AMZ2: variants seen among roughly 807,000 people sequenced by gnomAD.
AMZ2 encodes archaemetzincin-2.
In AMZ2, 26 loss-of-function variants were observed where a neutral mutation model predicts 36.7. The observed-to-expected ratio is 0.71, with a 90% CI of 0.52 to 0.98. AMZ2 has a LOEUF of 0.98. AMZ2 is among the 50% of genes least tolerant of loss of function. The probability of loss-of-function intolerance (pLI) is 0.00; values close to 1 mark genes in which losing one functional copy is unlikely to be tolerated. For missense variants in AMZ2, 394 were observed against 430.5 expected, an observed-to-expected ratio of 0.92 and a Z score of 0.75; for synonymous variants, 144 against 149.1, an observed-to-expected ratio of 0.97 and a Z score of 0.25.
At chr17:68,208,929 C>T (rs1347583432) in intron 1 of AMZ2, among the ~76,000 whole-genome samples, 2 of 152,182 alleles carry the variant, frequency 1.3e-5, no homozygotes, top group Non-Finnish European at 2.9e-5. Context: ...AAGGAACAAA[C>T]TCCGGACACG....
chr17:68,217,841 C>A (rs1403419918), intron 1 of AMZ2, among the ~76,000 whole-genome samples: 1 of 139,414 alleles, frequency 7.2e-6, no homozygotes, highest in Non-Finnish European at 1.5e-5. Flanking sequence ...GAGATGGAGG[C>A]TGGCTCTGTC....
intron 1 of AMZ2, among the ~76,000 whole-genome samples, chr17:68,216,362 G>C (rs2073194108): frequency 6.6e-6 from 1 of 152,074 alleles, no homozygotes; most frequent in Non-Finnish European, 1.5e-5. Flanking sequence ...TCGAACTCCT[G>C]GGTTCAAGCA....
intron 1 of AMZ2, among the ~76,000 whole-genome samples, chr17:68,229,613 G>C (rs1487066927): frequency 6.6e-6 from 1 of 152,230 alleles, no homozygotes; most frequent in African/African-American, 2.4e-5. Context: ...TGTGGGTCTG[G>C]AATTTAAACA....
intron 1 of AMZ2, among the ~76,000 whole-genome samples, chr17:68,216,358 T>C (rs2073193904): frequency 6.6e-6 from 1 of 152,174 alleles, no homozygotes; most frequent in African/African-American, 2.4e-5. Context: ...GGTCTCGAAC[T>C]CCTGGGTTCA....
intron 1 of AMZ2, among the ~76,000 whole-genome samples, chr17:68,238,700 G>A (rs1379690193): frequency 6.6e-6 from 1 of 151,982 alleles, no homozygotes. Context: ...CAGCCCCAAA[G>A]GCCTTACTGA....
chr17:68,207,733 C>T (rs1356165083), intron 1 of AMZ2, among the ~76,000 whole-genome samples: 1 of 152,260 alleles, frequency 6.6e-6, no homozygotes, highest in Non-Finnish European at 1.5e-5. Context: ...GGCGCCTCCT[C>T]GGCCTTGGCG....
intron 1 of AMZ2, among the ~76,000 whole-genome samples, chr17:68,225,631 C>A (rs2073495326): frequency 6.6e-6 from 1 of 151,902 alleles, no homozygotes; most frequent in Non-Finnish European, 1.5e-5. Context: ...ATATTCTTTT[C>A]TTTTCTTTTT....
intron 4 of AMZ2, among the ~76,000 whole-genome samples, chr17:68,252,018 A>G (rs1389258990): frequency 3.5e-4 from 52 of 148,290 alleles, no homozygotes; most frequent in African/African-American, 1.3e-3. Context: ...CATATTTTTA[A>G]CCTTTTTTTT....
intron 2 of AMZ2, 149 bp downstream of exon 2, chr17:68,250,619 A>C: frequency 8.1e-7 from 1 of 1,241,700 alleles, no homozygotes; most frequent in Non-Finnish European, 1.1e-6. Context: ...AGCCAAACTG[A>C]CTTAAAAGAT....
At chr17:68,207,509 G>C (rs1436460560) in intron 1 of AMZ2, 1 of 152,026 alleles carries the variant, frequency 6.6e-6, no homozygotes, top group East Asian at 1.9e-4. Flanking sequence ...GAGGAAAAAG[G>C]ACCCTTTTTT....
At chr17:68,222,607 A>G (rs2362734) in intron 1 of AMZ2, among the ~76,000 whole-genome samples, 7,990 of 152,328 alleles carry the variant, frequency 0.052, 289 homozygotes, top group Middle Eastern at 0.085. Flanking sequence ...TTTTCCTGCA[A>G]CTAGACGGTC....
At chr17:68,210,194 A>G (rs1251434115) in intron 1 of AMZ2, among the ~76,000 whole-genome samples, 1 of 152,194 alleles carries the variant, frequency 6.6e-6, no homozygotes, top group Non-Finnish European at 1.5e-5. Flanking sequence ...ATATATAGTC[A>G]AAAAAGAATT....
chr17:68,229,651 G>A (rs1296237228), intron 1 of AMZ2, among the ~76,000 whole-genome samples: 1 of 152,206 alleles, frequency 6.6e-6, no homozygotes, highest in African/African-American at 2.4e-5. Flanking sequence ...TTCCCTGTCT[G>A]GGGAGCATCA....
intron 1 of AMZ2, among the ~76,000 whole-genome samples, chr17:68,215,590 G>T (rs1555727044): frequency 7.4e-6 from 1 of 135,934 alleles, no homozygotes; most frequent in African/African-American, 2.7e-5. Context: ...TGTTGTCATT[G>T]TAAGTGGAAA....
At chr17:68,253,876 C>T (rs868939915) in intron 4 of AMZ2, among the ~76,000 whole-genome samples, 1 of 151,996 alleles carries the variant, frequency 6.6e-6, no homozygotes, top group Non-Finnish European at 1.5e-5. Flanking sequence ...CCTCAGCCTC[C>T]CTAGTAGCTG....
At chr17:68,220,202 TA>T (rs1555728159) in intron 1 of AMZ2, among the ~76,000 whole-genome samples, 1 of 152,232 alleles carries the variant, frequency 6.6e-6, no homozygotes, top group Non-Finnish European at 1.5e-5. Flanking sequence ...TTGTCTTCTT[TA>T]TACTTCTCTG....
At position 68,235,728 on chromosome 17, in the gene AMZ2, G is replaced by A. The variant is rs1489095063; in HGVS notation, c.-66-12912G>A. ...AGGTGCCAGGAGCAGCGTGTGCCACGTGTGACCCTGCTCTGCTGTGGCTTT... is the reference window on the plus strand; with the variant it reads ...AGGTGCCAGGAGCAGCGTGTGCCACATGTGACCCTGCTCTGCTGTGGCTTT... On this transcript the variant is annotated intron_variant, in intron 1 of 7. Coordinates refer to the AMZ2 transcript ENST00000674770. The surrounding 1 kb of genome is among the most constrained non-coding windows in gnomAD (Gnocchi z 4.2). 6.6e-6 allele frequency among the ~76,000 whole-genome samples: 1 copy of A among 152,168 alleles called. No homozygotes were observed.
upstream of AMZ2, among the ~76,000 whole-genome samples, chr17:68,244,504 C>G (rs1555734752): frequency 1.3e-5 from 2 of 152,206 alleles, no homozygotes. Flanking sequence ...CCTGGCTGGT[C>G]TCAAACTCCT....
At chr17:68,223,898 A>ATATT (rs782420385) in intron 1 of AMZ2, among the ~76,000 whole-genome samples, 22 of 111,698 alleles carry the variant, frequency 2.0e-4, no homozygotes, top group African/African-American at 4.9e-4. Context: ...ATATATATAT[A>ATATT]TTTTTTTTTG....
Sources: allele counts gnomAD v4.1 joint callset (sites outside exome capture counted in the v4.1 genomes callset), GRCh38; gene constraint gnomAD v4.1.1; non-coding constraint Gnocchi (gnomAD v3.1); transcripts MANE v1.5; gene names NCBI Gene and HGNC (gene_info 2026-07-23, HGNC 2026-07-21).